Variants in ANKRD44 observed in about 807,000 individuals in gnomAD.
ANKRD44 encodes serine/threonine-protein phosphatase 6 regulatory ankyrin repeat subunit B.
ANKRD44 carries 35 observed loss-of-function variants against 116.0 expected under a neutral mutation model. The ratio of observed to expected loss-of-function variants is 0.30; its 90% CI spans 0.23 to 0.40. The LOEUF (loss-of-function observed/expected upper bound fraction) is 0.40, where lower values mean the gene tolerates loss of function less well. Ranked by LOEUF, ANKRD44 falls within the 10% of genes least tolerant of loss-of-function variation. The pLI is 1.00. For missense variants in ANKRD44, 1,014 were observed against 1,242.6 expected, an observed-to-expected ratio of 0.82 and a Z score of 2.77; for synonymous variants, 435 against 461.8, an observed-to-expected ratio of 0.94 and a Z score of 0.74.
chr2:197,248,578 G>GTATA (rs377124357), intron 1 of ANKRD44, among the ~76,000 whole-genome samples: 46,294 of 143,974 alleles, frequency 0.32, 8,968 homozygotes, highest in East Asian at 0.6. Flanking sequence ...GTGTGTGTGT[G>GTATA]TATATATATA....
chr2:197,045,709 T>A (rs1025224857), intron 16 of ANKRD44, among the ~76,000 whole-genome samples: 5 of 152,214 alleles, frequency 3.3e-5, no homozygotes, highest in African/African-American at 1.2e-4. Flanking sequence ...TTTTAAGTGC[T>A]GACAAATGTT....
chr2:197,078,621 CTG>C, intron 16 of ANKRD44, 80 bp downstream of exon 16: 2 of 1,557,566 alleles, frequency 1.3e-6, no homozygotes, highest in Non-Finnish European at 1.7e-6. Flanking sequence ...AGCTACAACT[CTG>C]GAAAAAAACA....
chr2:197,241,579 G>A (rs2082090502), intron 1 of ANKRD44, among the ~76,000 whole-genome samples: 1 of 151,998 alleles, frequency 6.6e-6, no homozygotes, highest in Non-Finnish European at 1.5e-5. Context: ...TCTCTATAAT[G>A]AACTTGTATT....
At chr2:197,010,628 T>C (rs989659955) in intron 18 of ANKRD44, among the ~76,000 whole-genome samples, 5 of 152,214 alleles carry the variant, frequency 3.3e-5, no homozygotes, top group South Asian at 2.1e-4. Context: ...TGCCAGGCTA[T>C]TGAACGCAAA....
chr2:197,054,866 G>A (rs1312825929), intron 16 of ANKRD44, among the ~76,000 whole-genome samples: 1 of 152,176 alleles, frequency 6.6e-6, no homozygotes, highest in African/African-American at 2.4e-5. Context: ...GGAGAGATAT[G>A]GTCCCAGGTG....
At chr2:197,125,558 T>G (rs2078956603) in intron 5 of ANKRD44, 90 bp from the exon 6 acceptor site, 5 of 1,243,648 alleles carry the variant, frequency 4.0e-6, no homozygotes, top group Non-Finnish European at 3.5e-6. Flanking sequence ...CAAATTAACA[T>G]GAAATCTAAA....
intron 18 of ANKRD44, among the ~76,000 whole-genome samples, chr2:197,013,158 A>G (rs564913278): frequency 6.6e-6 from 1 of 152,264 alleles, no homozygotes; most frequent in Admixed American, 6.5e-5. Flanking sequence ...AAAACCTGCT[A>G]TTGGTTTTAT....
intron 21 of ANKRD44, among the ~76,000 whole-genome samples, chr2:197,002,246 C>T (rs1050515866): frequency 2.6e-5 from 4 of 152,078 alleles, no homozygotes; most frequent in Admixed American, 6.5e-5. Context: ...AGTGGAGAGG[C>T]GAAACTGTGA....
At chr2:197,162,287 T>C (rs1007529991) in intron 2 of ANKRD44, among the ~76,000 whole-genome samples, 2 of 152,222 alleles carry the variant, frequency 1.3e-5, no homozygotes, top group Non-Finnish European at 2.9e-5. Context: ...TGACAAGACA[T>C]TGAGGCTTCA....
chr2:196,976,346 A>G (rs1166338308), intron 21 of ANKRD44, among the ~76,000 whole-genome samples: 6 of 152,060 alleles, frequency 3.9e-5, no homozygotes, highest in Non-Finnish European at 7.4e-5. Flanking sequence ...CCAAAATTAT[A>G]TTTAATAGTG....
intron 2 of ANKRD44, among the ~76,000 whole-genome samples, chr2:197,171,986 C>T (rs1001748449): frequency 5.8e-5 from 8 of 137,084 alleles, no homozygotes; most frequent in Admixed American, 1.7e-4. Flanking sequence ...TTACCATGTC[C>T]GTTATTTTTC....
intron 1 of ANKRD44, among the ~76,000 whole-genome samples, chr2:197,238,799 G>A (rs1008428376): frequency 7.2e-5 from 11 of 151,934 alleles, no homozygotes; most frequent in African/African-American, 4.8e-5. Flanking sequence ...CAGCCTCCCA[G>A]GTTCAAGCAA....
At chr2:197,000,898 C>G (rs558970785) in intron 22 of ANKRD44, among the ~76,000 whole-genome samples, 1 of 152,104 alleles carries the variant, frequency 6.6e-6, no homozygotes, top group African/African-American at 2.4e-5. Flanking sequence ...ATTAGCCAGG[C>G]GTGGTGGCGC....
At chr2:197,151,305 C>T (rs1399772780) in intron 2 of ANKRD44, among the ~76,000 whole-genome samples, 1 of 152,146 alleles carries the variant, frequency 6.6e-6, no homozygotes, top group Non-Finnish European at 1.5e-5. Context: ...AAACGTTCAC[C>T]ATAAGCAAGA....
chr2:197,303,785 AAATTTT>A (rs2083983660), intron 1 of ANKRD44, among the ~76,000 whole-genome samples: 1 of 152,248 alleles, frequency 6.6e-6, no homozygotes, highest in Admixed American at 6.5e-5. Context: ...TATAGAATAT[AAATTTT>A]AAGTTTTCAA....
chr2:197,273,983 ATATATATATAT>A (rs1559208383), intron 1 of ANKRD44, among the ~76,000 whole-genome samples: 6,059 of 28,064 alleles, frequency 0.22, 1,610 homozygotes, highest in East Asian at 0.32. Flanking sequence ...AAAAAAAAAT[ATATATATATAT>A]ATATATATAT....
intron 1 of ANKRD44, among the ~76,000 whole-genome samples, chr2:197,295,008 C>T (rs893686962): frequency 7.9e-5 from 12 of 152,250 alleles, no homozygotes; most frequent in African/African-American, 2.6e-4. Flanking sequence ...ATATGGCTTC[C>T]TTCTCTACAG....
intron 8 of ANKRD44, among the ~76,000 whole-genome samples, chr2:197,120,955 A>C (rs1375829237): frequency 7.0e-6 from 1 of 143,294 alleles, no homozygotes; most frequent in Non-Finnish European, 1.5e-5. Flanking sequence ...TTTGAGACGG[A>C]GTCTTGCTCT....
intron 1 of ANKRD44, among the ~76,000 whole-genome samples, chr2:197,275,428 C>CAAAAAAAAAAAAAAAAAA (rs527811437): frequency 1.0e-5 from 1 of 97,284 alleles, no homozygotes. Context: ...CCAGTCTCTT[C>CAAAAAAAAAAAAAAAAAA]AAAAAAAAAA....
Sources: allele counts gnomAD v4.1 joint callset (sites outside exome capture counted in the v4.1 genomes callset), GRCh38; gene constraint gnomAD v4.1.1; transcripts MANE v1.5; gene names NCBI Gene and HGNC (gene_info 2026-07-23, HGNC 2026-07-21).